The following PRKN variants were observed in gnomAD, a reference collection of about 807,000 sequenced individuals.
PRKN encodes parkin RBR E3 ubiquitin protein ligase, also known as E3 ubiquitin-protein ligase parkin.
In PRKN, 56 loss-of-function variants were observed where a neutral mutation model predicts 59.5. That is an observed-to-expected ratio of 0.94 (90% CI 0.76 to 1.18). The LOEUF (loss-of-function observed/expected upper bound fraction) is 1.18, where lower values mean the gene tolerates loss of function less well. PRKN is among the 50% of genes most tolerant of loss of function. The probability of loss-of-function intolerance (pLI) is 0.00; values close to 1 mark genes in which losing one functional copy is unlikely to be tolerated. For synonymous variants in PRKN, 250 were observed against 222.1 expected, an observed-to-expected ratio of 1.13 and a Z score of -1.12; for missense variants, 657 against 596.4, an observed-to-expected ratio of 1.10 and a Z score of -1.06.
chr6:162,247,743 T>C (rs1207467382), intron 3 of PRKN, among the ~76,000 whole-genome samples: 3 of 152,180 alleles, frequency 2.0e-5, no homozygotes, highest in African/African-American at 7.2e-5. Flanking sequence ...GTGTTGATTC[T>C]AGCATAGTGT....
At chr6:162,155,745 A>T (rs11968221) in intron 4 of PRKN, among the ~76,000 whole-genome samples, 4,056 of 152,106 alleles carry the variant, frequency 0.027, 188 homozygotes, top group African/African-American at 0.092. Context: ...GTCCATCATA[A>T]AAGCCACATT....
chr6:161,521,963 T>C (rs1282057294), intron 9 of PRKN, among the ~76,000 whole-genome samples: 1 of 152,182 alleles, frequency 6.6e-6, no homozygotes, highest in African/African-American at 2.4e-5. Context: ...AGAACAGAGA[T>C]GCAAACTGAG....
intron 3 of PRKN, among the ~76,000 whole-genome samples, chr6:162,250,859 T>G (rs1562614600): frequency 6.6e-6 from 1 of 151,966 alleles, no homozygotes; most frequent in Non-Finnish European, 1.5e-5. Context: ...TGAGTTTGAT[T>G]TTAGGGCTCT....
chr6:161,661,894 G>A (rs1462557917), intron 7 of PRKN, among the ~76,000 whole-genome samples: 1 of 151,908 alleles, frequency 6.6e-6, no homozygotes, highest in Non-Finnish European at 1.5e-5. Flanking sequence ...GTGGTGGTGG[G>A]CACCTGGAAT....
In PRKN at chr6:161,369,643, A is replaced by G. The variant is rs1785358997; in HGVS notation, c.1168-9438T>C. ...TCTACTGCTCACCCGTGGCAGGAGG[A>G]ATTGCATGCATGCATGTGTGTACGC... On this transcript the variant is annotated intron_variant, in intron 10 of 11. Coordinates refer to ENST00000366898, the MANE Select transcript of PRKN (RefSeq NM_004562.3). The surrounding 1 kb of genome is among the most constrained non-coding windows in gnomAD (Gnocchi z 5.8). Among the ~76,000 whole-genome samples, 1 of 152,114 alleles carries G rather than the reference A, an allele frequency of 6.6e-6. No individual in the cohort carries two copies. Among genetic ancestry groups the G allele is most frequent in the African/African-American group, 2.4e-5 (1 of 41,424 alleles).
At chr6:162,035,403 G>C (rs1783800693) in intron 5 of PRKN, among the ~76,000 whole-genome samples, 1 of 152,090 alleles carries the variant, frequency 6.6e-6, no homozygotes, top group Non-Finnish European at 1.5e-5. Flanking sequence ...TAATTTTGGG[G>C]GTGCTAGGTT....
intron 9 of PRKN, among the ~76,000 whole-genome samples, chr6:161,464,568 G>A (rs1583103214): frequency 1.3e-5 from 2 of 152,124 alleles, no homozygotes; most frequent in Middle Eastern, 3.4e-3. Context: ...GTTTTCTCAC[G>A]CCCATCTGCA....
chr6:162,120,248 C>A (rs1197073750), intron 4 of PRKN, among the ~76,000 whole-genome samples: 1 of 152,216 alleles, frequency 6.6e-6, no homozygotes, highest in Non-Finnish European at 1.5e-5. Context: ...AAGCAATTCT[C>A]CTGCTTCATC....
At position 162,291,784 on chromosome 6, in the gene PRKN, G is replaced by A. The variant is rs113048343; in HGVS notation, c.172-29019C>T. 5.1e-3 allele frequency among the ~76,000 whole-genome samples: 773 copies of A among 152,038 alleles called. 14 individuals are homozygous for A. The highest frequency in any genetic ancestry group is 0.018 in the African/African-American group (738 of 41,466). On this transcript the variant is annotated intron_variant, in intron 2 of 11. Transcript: ENST00000366898. ...CGCTACGACAACAATCTCCAAAGAC[G>A]TTTTCTCCATTATAGAAGAGGAAAA...
At chr6:161,907,060 A>G (rs1417144955) in intron 6 of PRKN, among the ~76,000 whole-genome samples, 1 of 152,136 alleles carries the variant, frequency 6.6e-6, no homozygotes, top group Non-Finnish European at 1.5e-5. Context: ...CAGGAATGAT[A>G]CTTTGCATCC....
At chr6:161,870,594 T>C (rs1354597767) in intron 6 of PRKN, among the ~76,000 whole-genome samples, 2 of 152,208 alleles carry the variant, frequency 1.3e-5, no homozygotes, top group Non-Finnish European at 2.9e-5. Flanking sequence ...ATTTTTAATG[T>C]TTCATGATCA....
chr6:161,523,174 T>C (rs1778898936), intron 9 of PRKN, among the ~76,000 whole-genome samples: 1 of 152,244 alleles, frequency 6.6e-6, no homozygotes, highest in African/African-American at 2.4e-5. Flanking sequence ...GTATCTATTA[T>C]GCTAAGATAA....
intron 1 of PRKN, among the ~76,000 whole-genome samples, chr6:162,645,899 G>C (rs1778159648): frequency 8.1e-6 from 1 of 123,180 alleles, no homozygotes; most frequent in Non-Finnish European, 1.6e-5. Flanking sequence ...TTTTGAGACA[G>C]AGTCTTGCTC....
intron 4 of PRKN, among the ~76,000 whole-genome samples, chr6:162,159,407 A>C (rs1782663295): frequency 6.6e-6 from 1 of 152,230 alleles, no homozygotes. Context: ...CTACTTAGGG[A>C]CAAGACCTAT....
rs1785425792 is a variant in PRKN at position 161,371,088 on chromosome 6, T to C, written c.1168-10883A>G. Among the ~76,000 whole-genome samples the C allele has an allele frequency of 6.6e-6, 1 of 152,310 alleles. No homozygotes were observed. Among genetic ancestry groups the C allele is most frequent in the African/African-American group, 2.4e-5 (1 of 41,574 alleles). ...CTTGGCAACGGGTGTCACCAAAACATGTTTTGTTGTTCTCACATTGTCTTA... is the reference window on the plus strand; with the variant it reads ...CTTGGCAACGGGTGTCACCAAAACACGTTTTGTTGTTCTCACATTGTCTTA... On this transcript the variant is annotated intron_variant, in intron 10 of 11. Coordinates refer to ENST00000366898, the MANE Select transcript of PRKN (RefSeq NM_004562.3). The surrounding 1 kb of genome is among the most constrained non-coding windows in gnomAD (Gnocchi z 5.5).
At chr6:161,664,940 C>T (rs1254097251) in intron 7 of PRKN, among the ~76,000 whole-genome samples, 1 of 151,782 alleles carries the variant, frequency 6.6e-6, no homozygotes, top group Non-Finnish European at 1.5e-5. Context: ...AGGTGTGCAC[C>T]AGCACACCTG....
intron 9 of PRKN, among the ~76,000 whole-genome samples, chr6:161,524,279 T>C (rs1402594895): frequency 1.3e-5 from 2 of 152,222 alleles, no homozygotes; most frequent in Non-Finnish European, 2.9e-5. Flanking sequence ...GTGCTCTGAA[T>C]GAAATGCTCC....
intron 1 of PRKN, among the ~76,000 whole-genome samples, chr6:162,448,219 ATG>A (rs1441910183): frequency 6.6e-6 from 1 of 150,816 alleles, no homozygotes; most frequent in African/African-American, 2.5e-5. Context: ...GTAACTCCAC[ATG>A]TTTCCAAATG....
chr6:161,880,653 G>A (rs1455160730), intron 6 of PRKN, among the ~76,000 whole-genome samples: 1 of 152,128 alleles, frequency 6.6e-6, no homozygotes, highest in Non-Finnish European at 1.5e-5. Flanking sequence ...CCGGCCATGG[G>A]AAGCCAGCTT....
Sources: allele counts gnomAD v4.1 joint callset (sites outside exome capture counted in the v4.1 genomes callset), GRCh38; gene constraint gnomAD v4.1.1; non-coding constraint Gnocchi (gnomAD v3.1); transcripts MANE v1.5; gene names NCBI Gene and HGNC (gene_info 2026-07-23, HGNC 2026-07-21).